Variants in COQ8A observed in about 807,000 individuals in gnomAD.
COQ8A encodes the protein coenzyme Q8A, also known as atypical kinase COQ8A, mitochondrial.
Under a neutral mutation model 65.0 loss-of-function variants are expected in COQ8A, and 51 were observed. The observed-to-expected ratio is 0.78, with a 90% CI of 0.63 to 0.99. COQ8A has a LOEUF of 0.99. Ranked by LOEUF, COQ8A falls within the 50% of genes least tolerant of loss-of-function variation. COQ8A has a pLI of 0.00. For missense variants in COQ8A, 940 were observed against 875.0 expected, an observed-to-expected ratio of 1.07 and a Z score of -0.94; for synonymous variants, 371 against 353.2, an observed-to-expected ratio of 1.05 and a Z score of -0.57.
intron 5 of COQ8A, among the ~76,000 whole-genome samples, chr1:226,980,586 C>CT (rs1659624845): frequency 6.6e-6 from 1 of 152,228 alleles, no homozygotes; most frequent in African/African-American, 2.4e-5. Context: ...CTGCTGCTGC[C>CT]TAAGGCAAGG....
Position 226,960,277 on chromosome 1 carries a change from G to A in COQ8A, c.-9-1100G>A, listed in dbSNP as rs1262297513. On this transcript the variant is annotated intron_variant, in intron 1 of 14. Coordinates refer to ENST00000366777, the MANE Select transcript of COQ8A (RefSeq NM_020247.5). ...GGTGGTGGTGGTGGTACTTGGTGGC[G>A]GTGGTACTTGGTGGTGGTACTTGGT... Among the ~76,000 whole-genome samples the A allele has an allele frequency of 2.2e-3, 117 of 52,958 alleles. 3 individuals are homozygous for A. Among genetic ancestry groups the A allele is most frequent in the Admixed American group, 3.3e-3 (18 of 5,486 alleles). The allele number at this position is 52,958 out of a possible 152,430, so 34.7% of individuals were successfully genotyped here.
chr1:226,981,549 G>T (rs976366960), intron 5 of COQ8A, among the ~76,000 whole-genome samples: 1 of 152,228 alleles, frequency 6.6e-6, no homozygotes, highest in Admixed American at 6.5e-5. Flanking sequence ...AAGCCACTTG[G>T]CCCCATGTGC....
In COQ8A at chr1:226,985,469, G is replaced by A. The variant is rs187052153; in HGVS notation, c.1659+129G>A. 9.0e-5 allele frequency: 94 copies of A among 1,048,654 alleles called. No individual in the cohort carries two copies. The East Asian group carries it at 1.9e-3, about 22-fold the overall frequency. The allele number at this position is 1,048,654 out of a possible 1,614,324, so 65.0% of individuals were successfully genotyped here. Reference sequence around the variant, plus strand: ...CCAGAGCCCGGGCCTCCTTGGGCACGGTCTGAAAGCTGGGGCCCACCCCGG... The same window carrying A: ...CCAGAGCCCGGGCCTCCTTGGGCACAGTCTGAAAGCTGGGGCCCACCCCGG... On this transcript the variant is annotated intron_variant, in intron 14 of 14. Coordinates refer to ENST00000366777, the MANE Select transcript of COQ8A (RefSeq NM_020247.5).
Position 226,983,874 on chromosome 1 carries a change from C to G in COQ8A, c.1256+20C>G, listed in dbSNP as rs774975818. On this transcript the variant is annotated intron_variant, in intron 10 of 14. Transcript: ENST00000366777. ...GTTCAGGTGTGGCCCCCGGCCGGGC[C>G]CCTTGCGTGTTTGCACCAGGGAGGC... The G allele has an allele frequency of 1.9e-6, 3 of 1,584,628 alleles. 1 individual carries two copies. In the South Asian group the frequency reaches 3.3e-5, roughly 18 times the overall value.
intron 2 of COQ8A, 55 bp downstream of exon 2, chr1:226,961,617 G>C: frequency 6.4e-7 from 1 of 1,555,788 alleles, no homozygotes; most frequent in Non-Finnish European, 8.7e-7. Context: ...GGGACCTGGA[G>C]CTCTGGGGGA....
chr1:226,963,274 T>C (rs1658362612), intron 2 of COQ8A, among the ~76,000 whole-genome samples: 1 of 152,232 alleles, frequency 6.6e-6, no homozygotes, highest in Admixed American at 6.5e-5. Context: ...CGCAGTGCGC[T>C]GCCATTCACT....
chr1:226,964,962 G>A lies in COQ8A; in HGVS notation c.178-38G>A, dbSNP rs376571210. On this transcript the variant is annotated intron_variant, in intron 2 of 14. Transcript: ENST00000366777. ...ACAGGCAGGGAGGAGCTCCTGGCTC[G>A]CTCTTGCTCTCCTAATGCTGGCCTT... 1.4e-5 allele frequency: 22 copies of A among 1,611,064 alleles called. No individual in the cohort carries two copies. The Admixed American group carries it at 1.8e-4, about 13-fold the overall frequency.
At chr1:226,979,361 C>T (rs1659554817) in intron 5 of COQ8A, among the ~76,000 whole-genome samples, 1 of 152,214 alleles carries the variant, frequency 6.6e-6, no homozygotes, top group South Asian at 2.1e-4. Context: ...CTCCTCAGGC[C>T]TCTTCAGGCA....
intron 1 of COQ8A, among the ~76,000 whole-genome samples, chr1:226,957,281 G>GGCC (rs1296588868): frequency 5.1e-4 from 15 of 29,222 alleles, no homozygotes; most frequent in South Asian, 1.2e-3. Flanking sequence ...CACTCTCCCT[G>GGCC]CCCCCCCCCC....
intron 4 of COQ8A, among the ~76,000 whole-genome samples, chr1:226,970,116 C>G (rs1217379000): frequency 6.6e-6 from 1 of 152,180 alleles, no homozygotes; most frequent in African/African-American, 2.4e-5. Flanking sequence ...CCATGCCCGG[C>G]TAATTTTTGT....
chr1:226,977,334 G>T (rs1659298213), intron 4 of COQ8A, 115 bp from the exon 5 acceptor site: 2 of 932,352 alleles, frequency 2.1e-6, no homozygotes, highest in East Asian at 5.4e-5. Context: ...GTGTGGCAGC[G>T]AGGGCCCCTG....
chr1:226,961,665 G>A (rs1055153694), intron 2 of COQ8A, 103 bp downstream of exon 2: 55 of 1,402,358 alleles, frequency 3.9e-5, no homozygotes, highest in Non-Finnish European at 5.3e-5. Context: ...GTCTTTGGTG[G>A]CCAGGGCCTG....
intron 14 of COQ8A, among the ~76,000 whole-genome samples, chr1:226,986,137 T>C (rs1001263210): frequency 2.6e-5 from 4 of 152,136 alleles, no homozygotes; most frequent in African/African-American, 9.7e-5. Flanking sequence ...CCTGCCAGCT[T>C]AGGCCCACGG....
intron 4 of COQ8A, among the ~76,000 whole-genome samples, chr1:226,971,776 G>A (rs950872752): frequency 2.6e-5 from 4 of 151,908 alleles, no homozygotes; most frequent in Non-Finnish European, 5.9e-5. Flanking sequence ...CTGCTTTTAC[G>A]ATTTCCTTTT....
At chr1:226,944,728 AGAGAGAGAGAGAGAGAGAGAGT>A (rs1656906505) in intron 1 of COQ8A, among the ~76,000 whole-genome samples, 279 of 31,480 alleles carry the variant, frequency 8.9e-3, no homozygotes, top group East Asian at 0.022. Flanking sequence ...AGAGAGAGAG[AGAGAGAGAGAGAGAGAGAGAGT>A]GAGAGAGAGA....
At chr1:226,968,239 G>A (rs1342666237) in intron 4 of COQ8A, among the ~76,000 whole-genome samples, 1 of 152,106 alleles carries the variant, frequency 6.6e-6, no homozygotes, top group Non-Finnish European at 1.5e-5. Flanking sequence ...GGAGGCTGAG[G>A]CACAAGAATT....
In COQ8A at chr1:226,961,421, T is replaced by C. The variant is rs763370071; in HGVS notation, c.36T>C (p.Ala12=). ...AAILGDTIMV[A]KGLVKLTQAA... ...TATTGGGAGACACCATCATGGTGGCTAAAGGCCTTGTCAAGCTGACCCAGG... is the reference window on the plus strand; with the variant it reads ...TATTGGGAGACACCATCATGGTGGCCAAAGGCCTTGTCAAGCTGACCCAGG... Residue 12 remains alanine, a synonymous_variant, in exon 2 of 15, where the codon GCT becomes GCC. Transcript: ENST00000366777. 2.5e-6 allele frequency: 4 copies of C among 1,613,786 alleles called. No individual in the cohort carries two copies. In the South Asian group the frequency reaches 3.3e-5, roughly 13 times the overall value.
At chr1:226,957,282 C>A (rs1218120960) in intron 1 of COQ8A, among the ~76,000 whole-genome samples, 1 of 38,462 alleles carries the variant, frequency 2.6e-5, no homozygotes, top group Non-Finnish European at 5.7e-5. Flanking sequence ...ACTCTCCCTG[C>A]CCCCCCCCCC....
At chr1:226,974,426 C>T (rs542418973) in intron 4 of COQ8A, among the ~76,000 whole-genome samples, 88 of 152,306 alleles carry the variant, frequency 5.8e-4, no homozygotes, top group African/African-American at 2.0e-3. Context: ...AAGCCGGGGG[C>T]GCTCTTAGAA....
Sources: gnomAD v4.1 joint callset for allele counts (sites outside exome capture counted in the v4.1 genomes callset) on GRCh38, gnomAD v4.1.1 for gene constraint, MANE v1.5 for transcripts, NCBI Gene and HGNC (gene_info 2026-07-23, HGNC 2026-07-21) for gene names.